Variants in FYN observed in about 807,000 individuals in gnomAD.
The protein encoded by FYN is tyrosine-protein kinase Fyn.
In FYN, 10 loss-of-function variants were observed where a neutral mutation model predicts 70.2. That is an observed-to-expected ratio of 0.14 (90% confidence interval 0.09 to 0.24). The LOEUF (loss-of-function observed/expected upper bound fraction) is 0.24, where lower values mean the gene tolerates loss of function less well. Among genes scored for constraint, FYN ranks in the 10% least tolerant of loss-of-function variants. FYN has a pLI of 1.00. For synonymous variants in FYN, 236 were observed against 248.6 expected (o/e 0.95, Z 0.48); for missense variants, 319 against 673.1 (o/e 0.47, Z 5.82).
chr6:111,666,500 G>GAATT (rs1353670761), intron 13 of FYN, among the ~76,000 whole-genome samples: 1 of 152,168 alleles, frequency 6.6e-6, no homozygotes, highest in Non-Finnish European at 1.5e-5. Context: ...TGTCTCTCTA[G>GAATT]AATTGCTCAG....
At chr6:111,796,671 G>C (rs1036369862) in intron 2 of FYN, among the ~76,000 whole-genome samples, 3 of 152,176 alleles carry the variant, frequency 2.0e-5, no homozygotes, top group Non-Finnish European at 4.4e-5. Context: ...TTATGTGCCA[G>C]GCCCTGTTCT....
intron 3 of FYN, among the ~76,000 whole-genome samples, chr6:111,721,523 C>G (rs1202393971): frequency 1.3e-5 from 2 of 152,006 alleles, no homozygotes; most frequent in African/African-American, 4.8e-5. Context: ...TCTGCCTCAG[C>G]CTCACAAGTA....
At chr6:111,766,968 G>T (rs993633396) in intron 3 of FYN, among the ~76,000 whole-genome samples, 1 of 152,116 alleles carries the variant, frequency 6.6e-6, no homozygotes, top group African/African-American at 2.4e-5. Context: ...AGTAACCAAT[G>T]ATCATAATTT....
At chr6:111,695,945 C>T (rs1370300566) in intron 10 of FYN, among the ~76,000 whole-genome samples, 2 of 152,188 alleles carry the variant, frequency 1.3e-5, no homozygotes, top group African/African-American at 4.8e-5. Flanking sequence ...ACAAAAGCTA[C>T]TACATTCAAA....
intron 3 of FYN, among the ~76,000 whole-genome samples, chr6:111,746,041 C>T (rs1802198646): frequency 1.3e-5 from 2 of 152,106 alleles, no homozygotes; most frequent in African/African-American, 4.8e-5. Flanking sequence ...GTACCTGGTA[C>T]AAAAAGATGG....
chr6:111,762,630 C>G (rs903989154), intron 3 of FYN, among the ~76,000 whole-genome samples: 39 of 152,128 alleles, frequency 2.6e-4, no homozygotes, highest in African/African-American at 8.2e-4. Flanking sequence ...GTATTTTACC[C>G]TAACATATAT....
intron 1 of FYN, among the ~76,000 whole-genome samples, chr6:111,856,259 G>C (rs561841352): frequency 4.6e-5 from 7 of 152,312 alleles, no homozygotes; most frequent in Admixed American, 2.0e-4. Flanking sequence ...GAGCTCACCA[G>C]GGACTTTGCA....
At chr6:111,771,791 C>T (rs1803462842) in intron 3 of FYN, among the ~76,000 whole-genome samples, 1 of 152,174 alleles carries the variant, frequency 6.6e-6, no homozygotes, top group Non-Finnish European at 1.5e-5. Flanking sequence ...AGGCATGGCT[C>T]GTCTGAGGTC....
chr6:111,857,204 C>T (rs1030969235), intron 1 of FYN, among the ~76,000 whole-genome samples: 2 of 152,158 alleles, frequency 1.3e-5, no homozygotes, highest in Non-Finnish European at 2.9e-5. Flanking sequence ...CACCCTGTTA[C>T]CTTTACAATA....
At chr6:111,673,620 T>TCG (rs777994373) in intron 13 of FYN, among the ~76,000 whole-genome samples, 5,388 of 109,828 alleles carry the variant, frequency 0.049, 187 homozygotes, top group Middle Eastern at 0.073. Context: ...GTTTCTATCA[T>TCG]TGTTTTTTTT....
chr6:111,752,931 A>T (rs1366162558), intron 3 of FYN, among the ~76,000 whole-genome samples: 4 of 152,192 alleles, frequency 2.6e-5, no homozygotes, highest in Non-Finnish European at 5.9e-5. Context: ...GCACTTACTT[A>T]TCTCTAATAT....
chr6:111,765,868 A>C (rs1803211724), intron 3 of FYN, among the ~76,000 whole-genome samples: 1 of 152,166 alleles, frequency 6.6e-6, no homozygotes, highest in Admixed American at 6.5e-5. Context: ...TGAGTGTTCA[A>C]AGCCCTCCAA....
chr6:111,815,606 A>G (rs2114333054), intron 2 of FYN, among the ~76,000 whole-genome samples: 1 of 152,322 alleles, frequency 6.6e-6, no homozygotes, highest in South Asian at 2.1e-4. Flanking sequence ...ATATATAACT[A>G]GAGGAAAAAA....
At chr6:111,665,344 T>A (rs1460666547) in intron 13 of FYN, among the ~76,000 whole-genome samples, 6 of 152,052 alleles carry the variant, frequency 3.9e-5, no homozygotes, top group South Asian at 2.1e-4. Flanking sequence ...ATGGTTTTTT[T>A]AAATAATTTT....
intron 13 of FYN, 108 bp downstream of exon 13, chr6:111,674,391 G>T: frequency 7.9e-7 from 1 of 1,261,224 alleles, no homozygotes; most frequent in Non-Finnish European, 1.1e-6. Flanking sequence ...CTCAAGCTCA[G>T]CAGAAAGCTG....
intron 7 of FYN, 67 bp from the exon 8 acceptor site, chr6:111,703,101 T>A: frequency 6.9e-7 from 1 of 1,457,450 alleles, no homozygotes; most frequent in South Asian, 1.2e-5. Flanking sequence ...TTAGGCCTCA[T>A]TTTCTTGACT....
chr6:111,688,098 TG>T (rs1274267775), intron 12 of FYN, among the ~76,000 whole-genome samples: 1 of 152,188 alleles, frequency 6.6e-6, no homozygotes, highest in Non-Finnish European at 1.5e-5. Context: ...GGGGAGGAGC[TG>T]GAAGAAGTGA....
chr6:111,858,005 C>T (rs1190857825), intron 1 of FYN, among the ~76,000 whole-genome samples: 2 of 152,158 alleles, frequency 1.3e-5, no homozygotes, highest in Non-Finnish European at 2.9e-5. Flanking sequence ...CGATCCCAGC[C>T]AGCCTCCAGC....
intron 3 of FYN, among the ~76,000 whole-genome samples, chr6:111,773,699 G>A (rs1803594452): frequency 6.6e-6 from 1 of 151,700 alleles, no homozygotes; most frequent in Admixed American, 6.6e-5. Context: ...AAACAGGAAA[G>A]GAAAAAAAGA....
Sources: gnomAD v4.1 joint callset for allele counts (sites outside exome capture counted in the v4.1 genomes callset) on GRCh38, gnomAD v4.1.1 for gene constraint, MANE v1.5 for transcripts, NCBI Gene and HGNC (gene_info 2026-07-23, HGNC 2026-07-21) for gene names.